Variants in MYO6 observed in about 807,000 individuals in gnomAD.
The protein encoded by MYO6 is unconventional myosin-VI.
Under a neutral mutation model 178.7 loss-of-function variants are expected in MYO6, and 74 were observed. That is an observed-to-expected ratio of 0.41 (90% CI 0.34 to 0.50). MYO6 has a LOEUF of 0.50. Ranked by LOEUF, MYO6 falls within the 20% of genes least tolerant of loss-of-function variation. MYO6 has a pLI of 0.09. For synonymous variants in MYO6, 477 were observed against 504.6 expected (o/e 0.95, Z 0.73); for missense variants, 1,330 against 1,547.4 (o/e 0.86, Z 2.36).
rs1773223210 is a variant in MYO6 at position 75,832,699 on chromosome 6, T to C, written c.392-143T>C. On this transcript the variant is annotated intron_variant, in intron 5 of 34. Coordinates refer to ENST00000369977, the MANE Select transcript of MYO6 (RefSeq NM_004999.4). ...ACTTTTAAAATGATTTGAACACTTT[T>C]GAATGACTTTATTTTAAAATTTCAT... 4 of 627,618 alleles carry C rather than the reference T, an allele frequency of 6.4e-6. No homozygotes were observed. In the South Asian group the frequency reaches 7.5e-5, roughly 12 times the overall value. The allele number at this position is 627,618 out of a possible 1,614,324, so 38.9% of individuals were successfully genotyped here.
intron 1 of MYO6, among the ~76,000 whole-genome samples, chr6:75,769,079 G>T (rs919718967): frequency 2.0e-5 from 3 of 152,184 alleles, no homozygotes; most frequent in Non-Finnish European, 4.4e-5. Context: ...TCACTCATTT[G>T]TGGGGGTGGC....
intron 7 of MYO6, among the ~76,000 whole-genome samples, chr6:75,838,054 CT>C (rs35550064): frequency 0.36 from 48,464 of 135,948 alleles, 8,522 homozygotes; most frequent in Middle Eastern, 0.54. Context: ...TCTATAGCTT[CT>C]TTTTTTTTTT....
At chr6:75,835,123 A>G (rs1773510821) in intron 6 of MYO6, among the ~76,000 whole-genome samples, 1 of 152,192 alleles carries the variant, frequency 6.6e-6, no homozygotes, top group Admixed American at 6.5e-5. Context: ...AGATTGCCTC[A>G]TTTTCTGTAG....
intron 1 of MYO6, 93 bp downstream of exon 1, chr6:75,749,516 G>GGGGCC (rs1355155902): frequency 6.6e-6 from 1 of 152,220 alleles, no homozygotes; most frequent in Non-Finnish European, 1.5e-5. Context: ...GAGCAGCTCC[G>GGGGCC]GGGCCGACGC....
chr6:75,821,462 T>C (rs1771862825), intron 2 of MYO6, among the ~76,000 whole-genome samples: 1 of 152,178 alleles, frequency 6.6e-6, no homozygotes, highest in Admixed American at 6.5e-5. Flanking sequence ...TTGTGGCCTG[T>C]CCTACAAACT....
intron 6 of MYO6, 79 bp downstream of exon 6, chr6:75,833,026 AC>A: frequency 2.0e-6 from 2 of 994,710 alleles, no homozygotes; most frequent in East Asian, 2.4e-5. Flanking sequence ...TTACTGTGTC[AC>A]CCAGGGTGGA....
chr6:75,798,743 TGG>T (rs113059205), intron 1 of MYO6, among the ~76,000 whole-genome samples: 2,968 of 152,226 alleles, frequency 0.019, 92 homozygotes, highest in African/African-American at 0.067. Flanking sequence ...ACTCTTATTC[TGG>T]AAGTCCTAGC....
intron 6 of MYO6, among the ~76,000 whole-genome samples, chr6:75,834,759 G>T (rs997568546): frequency 9.9e-5 from 15 of 151,832 alleles, no homozygotes; most frequent in African/African-American, 3.1e-4. Context: ...TATGTATGCT[G>T]TTCAGAGTTA....
At chr6:75,873,541 A>T (rs1003877757) in intron 20 of MYO6, among the ~76,000 whole-genome samples, 9 of 152,354 alleles carry the variant, frequency 5.9e-5, no homozygotes, top group African/African-American at 2.2e-4. Flanking sequence ...GTTCAAAGTC[A>T]GCCTGGGCAA....
chr6:75,873,366 G>A (rs1427605177), intron 20 of MYO6, 66 bp downstream of exon 20: 26 of 1,192,158 alleles, frequency 2.2e-5, no homozygotes, highest in Non-Finnish European at 3.3e-5. Context: ...AATAGGTTCA[G>A]TATTTTCAAA....
chr6:75,823,722 G>C (rs1270386265), intron 3 of MYO6, among the ~76,000 whole-genome samples: 1 of 152,234 alleles, frequency 6.6e-6, no homozygotes, highest in Non-Finnish European at 1.5e-5. Context: ...GCCATGGACT[G>C]TAACTGTAGA....
At chr6:75,841,491 G>C in intron 9 of MYO6, 113 bp downstream of exon 9, 1 of 982,690 alleles carries the variant, frequency 1.0e-6, no homozygotes, top group Non-Finnish European at 1.5e-6. Flanking sequence ...GAGTTCGAGA[G>C]CAGCCTGGGC....
At chr6:75,903,558 T>C (rs964192428) in intron 30 of MYO6, among the ~76,000 whole-genome samples, 7 of 152,220 alleles carry the variant, frequency 4.6e-5, no homozygotes, top group African/African-American at 1.7e-4. Flanking sequence ...CCCCTGCCTT[T>C]TTTTTGTTTT....
At chr6:75,827,524 T>G (rs1204699853) in intron 3 of MYO6, among the ~76,000 whole-genome samples, 2 of 152,168 alleles carry the variant, frequency 1.3e-5, no homozygotes, top group Non-Finnish European at 2.9e-5. Context: ...GAGAGAGATT[T>G]GATGAGGGCT....
intron 1 of MYO6, among the ~76,000 whole-genome samples, chr6:75,787,446 A>C (rs1199603577): frequency 6.6e-6 from 1 of 152,078 alleles, no homozygotes; most frequent in Non-Finnish European, 1.5e-5. Flanking sequence ...ACATGCATGA[A>C]TCTCACAAGC....
At chr6:75,909,086 TG>T (rs1780569084) in intron 32 of MYO6, among the ~76,000 whole-genome samples, 1 of 152,202 alleles carries the variant, frequency 6.6e-6, no homozygotes, top group African/African-American at 2.4e-5. Context: ...GATGAGGTCT[TG>T]CCATTTTATC....
chr6:75,913,532 C>G (rs1582018104), intron 33 of MYO6, among the ~76,000 whole-genome samples: 1 of 151,960 alleles, frequency 6.6e-6, no homozygotes, highest in Non-Finnish European at 1.5e-5. Flanking sequence ...ATTTTAAATC[C>G]TAAAATTTGT....
chr6:75,892,743 T>TAG, intron 28 of MYO6, 53 bp downstream of exon 28: 1 of 1,582,764 alleles, frequency 6.3e-7, no homozygotes, highest in Non-Finnish European at 8.7e-7. Flanking sequence ...TTTCTCTACC[T>TAG]CTCTGCCTCT....
intron 1 of MYO6, among the ~76,000 whole-genome samples, chr6:75,804,775 T>C (rs993620106): frequency 2.6e-5 from 4 of 151,752 alleles, no homozygotes; most frequent in Non-Finnish European, 4.4e-5. Context: ...TCCTTTTTGG[T>C]GTCTTATTCT....
Sources: gnomAD v4.1 joint callset for allele counts (sites outside exome capture counted in the v4.1 genomes callset) on GRCh38, gnomAD v4.1.1 for gene constraint, MANE v1.5 for transcripts, NCBI Gene and HGNC (gene_info 2026-07-23, HGNC 2026-07-21) for gene names.